FBXO11: variants seen among roughly 807,000 people sequenced by gnomAD.
FBXO11 encodes the protein F-box protein 11, also known as F-box only protein 11.
FBXO11 carries 13 observed loss-of-function variants against 117.0 expected under a neutral mutation model. The ratio of observed to expected loss-of-function variants is 0.11; its 90% confidence interval spans 0.07 to 0.18. The LOEUF is 0.18. Among genes scored for constraint, FBXO11 ranks in the 10% least tolerant of loss-of-function variants. FBXO11 has a pLI of 1.00. For missense variants in FBXO11, 767 were observed against 1,164.4 expected (o/e 0.66, Z 4.97); for synonymous variants, 490 against 380.5 (o/e 1.29, Z -3.35).
Position 47,807,954 on chromosome 2 carries a change from C to CT in FBXO11, c.*163dup. The CT allele has an allele frequency of 1.5e-6, 1 of 650,164 alleles. No individual in the cohort carries two copies. The highest frequency in any genetic ancestry group is 2.6e-6 in the Non-Finnish European group (1 of 381,266). The allele number at this position is 650,164 out of a possible 1,614,324, so 40.3% of individuals were successfully genotyped here. On this transcript the variant is annotated 3_prime_UTR_variant, in exon 23 of 23. Transcript: ENST00000403359. ...GAGATCCTGAGTCAATATATTGCCA[C>CT]TTTCTTTTTGGTAGCTTGAGCTTCA... is the stretch of plus-strand genomic sequence containing the variant.
At chr2:47,839,970 G>T (rs1672887359) in intron 1 of FBXO11, among the ~76,000 whole-genome samples, 1 of 151,392 alleles carries the variant, frequency 6.6e-6, no homozygotes, top group Admixed American at 6.6e-5. Flanking sequence ...TTGAGACAGA[G>T]TCTCGCTCTG....
chr2:47,856,774 A>AG (rs1394011786), intron 1 of FBXO11, among the ~76,000 whole-genome samples: 1 of 152,240 alleles, frequency 6.6e-6, no homozygotes, highest in Non-Finnish European at 1.5e-5. Flanking sequence ...CACTAACAAT[A>AG]GGATAATTAT....
At chr2:47,879,422 G>A (rs1476128543) in intron 1 of FBXO11, among the ~76,000 whole-genome samples, 1 of 152,156 alleles carries the variant, frequency 6.6e-6, no homozygotes, top group Admixed American at 6.5e-5. Flanking sequence ...CACAACCAAT[G>A]GAGTATGCTG....
At chr2:47,859,613 CTT>C (rs1369325823) in intron 1 of FBXO11, among the ~76,000 whole-genome samples, 1 of 152,212 alleles carries the variant, frequency 6.6e-6, no homozygotes, top group Non-Finnish European at 1.5e-5. Flanking sequence ...AAGCTTTACT[CTT>C]GTCTTTCTTA....
intron 1 of FBXO11, among the ~76,000 whole-genome samples, chr2:47,852,693 T>C (rs1396109041): frequency 2.6e-5 from 4 of 152,212 alleles, no homozygotes; most frequent in Non-Finnish European, 5.9e-5. Context: ...TTCAAATAAA[T>C]AGTGCCACTA....
chr2:47,899,273 CAA>C (rs376186704), intron 1 of FBXO11, among the ~76,000 whole-genome samples: 10 of 60,626 alleles, frequency 1.6e-4, no homozygotes, highest in East Asian at 5.1e-4. Context: ...GACTCCGTCT[CAA>C]AAAAAAAAAA....
At chr2:47,826,309 G>A (rs966428314) in intron 11 of FBXO11, among the ~76,000 whole-genome samples, 16 of 151,966 alleles carry the variant, frequency 1.1e-4, no homozygotes, top group African/African-American at 3.4e-4. Flanking sequence ...CACCCGCCTC[G>A]GCCTCCCAAA....
intron 16 of FBXO11, chr2:47,818,489 C>T (rs1671160247): frequency 3.5e-6 from 1 of 285,858 alleles, no homozygotes; most frequent in African/African-American, 2.2e-5. Context: ...TTAACACAGA[C>T]TTCCACTCTC....
intron 1 of FBXO11, among the ~76,000 whole-genome samples, chr2:47,859,009 C>A (rs1290875016): frequency 2.1e-5 from 3 of 144,648 alleles, no homozygotes; most frequent in Admixed American, 7.1e-5. Context: ...ACTCTGCACT[C>A]CAGCCTGGGC....
intron 16 of FBXO11, among the ~76,000 whole-genome samples, chr2:47,816,123 C>T (rs950146981): frequency 2.6e-5 from 4 of 152,184 alleles, no homozygotes; most frequent in African/African-American, 7.2e-5. Context: ...TACAATTTTG[C>T]ACTTTGTGGG....
intron 1 of FBXO11, among the ~76,000 whole-genome samples, chr2:47,893,415 C>T (rs1572917724): frequency 6.6e-6 from 1 of 152,060 alleles, no homozygotes; most frequent in Middle Eastern, 3.4e-3. Flanking sequence ...GTATCTCTAT[C>T]CCTAGAAATA....
chr2:47,881,732 G>GT (rs1553355850), intron 1 of FBXO11, among the ~76,000 whole-genome samples: 2 of 149,470 alleles, frequency 1.3e-5, no homozygotes, highest in Non-Finnish European at 3.0e-5. Flanking sequence ...ATATTCTGTC[G>GT]TTATGATCTC....
intron 1 of FBXO11, among the ~76,000 whole-genome samples, chr2:47,858,804 G>T (rs778624231): frequency 6.6e-6 from 1 of 151,756 alleles, no homozygotes; most frequent in African/African-American, 2.4e-5. Flanking sequence ...CAGCACCTTG[G>T]GAGGCCAAGA....
chr2:47,858,398 C>G (rs1674478157), intron 1 of FBXO11, among the ~76,000 whole-genome samples: 1 of 151,364 alleles, frequency 6.6e-6, no homozygotes, highest in South Asian at 2.1e-4. Flanking sequence ...AAACATAATA[C>G]AGGCCAGGCG....
At chr2:47,904,912 C>T (rs1014121710) in intron 1 of FBXO11, among the ~76,000 whole-genome samples, 2 of 151,996 alleles carry the variant, frequency 1.3e-5, no homozygotes, top group Non-Finnish European at 2.9e-5. Flanking sequence ...GCTCCCCCTA[C>T]CCCGTGACCA....
intron 1 of FBXO11, among the ~76,000 whole-genome samples, chr2:47,894,552 A>T (rs974361755): frequency 2.0e-4 from 30 of 152,274 alleles, no homozygotes; most frequent in African/African-American, 6.7e-4. Context: ...TATTTTTTTA[A>T]AATTCTTAAA....
chr2:47,856,762 T>C (rs1256137949), intron 1 of FBXO11, among the ~76,000 whole-genome samples: 1 of 152,280 alleles, frequency 6.6e-6, no homozygotes, highest in Middle Eastern at 3.4e-3. Context: ...TGAAGAAAAC[T>C]TCACTAACAA....
chr2:47,898,431 T>A (rs1241773756), intron 1 of FBXO11, among the ~76,000 whole-genome samples: 1 of 152,174 alleles, frequency 6.6e-6, no homozygotes, highest in East Asian at 1.9e-4. Context: ...ACCACTGAAA[T>A]CTAAAACTAA....
At chr2:47,899,899 AATAGCTC>A (rs752978394) in intron 1 of FBXO11, among the ~76,000 whole-genome samples, 1 of 152,042 alleles carries the variant, frequency 6.6e-6, no homozygotes, top group African/African-American at 2.4e-5. Flanking sequence ...CTCATGTTGA[AATAGCTC>A]ATTACTGTAA....
Sources: allele counts gnomAD v4.1 joint callset (sites outside exome capture counted in the v4.1 genomes callset), GRCh38; gene constraint gnomAD v4.1.1; transcripts MANE v1.5; gene names NCBI Gene and HGNC (gene_info 2026-07-23, HGNC 2026-07-21).